Variants in TENM3 observed in about 807,000 individuals in gnomAD.
TENM3 encodes the protein teneurin transmembrane protein 3.
A neutral mutation model predicts 255.1 loss-of-function variants in TENM3; 63 were observed. The ratio of observed to expected loss-of-function variants is 0.25; its 90% CI spans 0.20 to 0.30. The LOEUF (loss-of-function observed/expected upper bound fraction) is 0.30, where lower values mean the gene tolerates loss of function less well. Ranked by LOEUF, TENM3 falls within the 10% of genes least tolerant of loss-of-function variation. TENM3 has a pLI of 1.00. For synonymous variants in TENM3, 1,306 were observed against 1,322.3 expected, an observed-to-expected ratio of 0.99 and a Z score of 0.27; for missense variants, 2,929 against 3,461.1, an observed-to-expected ratio of 0.85 and a Z score of 3.86.
chr4:182,209,135 T>C (rs1411540828), intron 1 of TENM3, among the ~76,000 whole-genome samples: 1 of 152,080 alleles, frequency 6.6e-6, no homozygotes, highest in African/African-American at 2.4e-5. Context: ...GCCCGGCCAA[T>C]TTTTGTATTT....
chr4:182,780,372 G>A (rs1765071212), intron 24 of TENM3, among the ~76,000 whole-genome samples: 1 of 118,780 alleles, frequency 8.4e-6, no homozygotes, highest in Non-Finnish European at 1.7e-5. Context: ...TTGTAGATAT[G>A]CGGCGTTATT....
intron 1 of TENM3, among the ~76,000 whole-genome samples, chr4:182,311,650 G>A (rs937914723): frequency 6.6e-6 from 1 of 152,160 alleles, no homozygotes; most frequent in Admixed American, 6.5e-5. Flanking sequence ...TTGTTGTGAG[G>A]ATTAAGTGAG....
At chr4:181,525,135 G>C in the TENM3 span, among the ~76,000 whole-genome samples, 4 of 152,142 alleles carry the variant, frequency 2.6e-5, no homozygotes, top group Non-Finnish European at 4.4e-5. Context: ...GGCCAGCCAC[G>C]GTAGGTGGCT....
At chr4:182,100,840 CTCATAT>C in the TENM3 span, among the ~76,000 whole-genome samples, 3 of 6,808 alleles carry the variant, frequency 4.4e-4, no homozygotes, top group South Asian at 5.0e-3. Flanking sequence ...TATATATATA[CTCATAT>C]ATATATATAT....
chr4:182,008,031 A>G, the TENM3 span, among the ~76,000 whole-genome samples: 1 of 152,138 alleles, frequency 6.6e-6, no homozygotes, highest in Non-Finnish European at 1.5e-5. Context: ...TCTTTTCTTT[A>G]AGAATGTTGA....
the TENM3 span, among the ~76,000 whole-genome samples, chr4:181,711,564 A>T: frequency 6.6e-6 from 1 of 152,258 alleles, no homozygotes; most frequent in East Asian, 1.9e-4. Context: ...GTTATAAAAT[A>T]AAAATTCAAC....
At chr4:182,175,438 C>T (rs559372867) in intron 1 of TENM3, among the ~76,000 whole-genome samples, 4 of 151,630 alleles carry the variant, frequency 2.6e-5, no homozygotes, top group South Asian at 2.1e-4. Flanking sequence ...TTATCCACTG[C>T]GTAATTCTAA....
the TENM3 span, among the ~76,000 whole-genome samples, chr4:181,948,557 A>G: frequency 2.0e-4 from 30 of 152,214 alleles, no homozygotes; most frequent in African/African-American, 6.3e-4. Context: ...CTGGGATTAC[A>G]GGTGCACGCC....
At chr4:182,598,348 A>G (rs891203597) in intron 3 of TENM3, among the ~76,000 whole-genome samples, 3 of 152,210 alleles carry the variant, frequency 2.0e-5, no homozygotes, top group African/African-American at 7.2e-5. Flanking sequence ...AAGAGGTTCC[A>G]GTAAACAGCA....
chr4:182,406,033 TG>T (rs1354923113), intron 3 of TENM3, among the ~76,000 whole-genome samples: 9 of 152,168 alleles, frequency 5.9e-5, no homozygotes, highest in Non-Finnish European at 8.8e-5. Context: ...ACACTGGGCA[TG>T]GTGGTTCACG....
chr4:181,768,289 T>C, the TENM3 span, among the ~76,000 whole-genome samples: 150 of 152,288 alleles, frequency 9.8e-4, 1 homozygote, highest in African/African-American at 3.4e-3. Context: ...CTACTGATTC[T>C]AGTGAGTAGG....
chr4:181,736,611 T>C, the TENM3 span, among the ~76,000 whole-genome samples: 1 of 151,906 alleles, frequency 6.6e-6, no homozygotes, highest in Non-Finnish European at 1.5e-5. Context: ...ATCTGTTTGT[T>C]TTCCAGGGCC....
At chr4:182,615,078 T>TC in intron 4 of TENM3, among the ~76,000 whole-genome samples, 1 of 145,240 alleles carries the variant, frequency 6.9e-6, no homozygotes, top group Admixed American at 7.0e-5. Context: ...TATTTTTTTT[T>TC]TCTTCTCCAA....
At chr4:182,046,691 C>T in the TENM3 span, among the ~76,000 whole-genome samples, 1 of 152,188 alleles carries the variant, frequency 6.6e-6, no homozygotes, top group East Asian at 1.9e-4. Context: ...GATCCTGCCA[C>T]TGTACTCTAG....
At chr4:181,684,817 C>A in the TENM3 span, among the ~76,000 whole-genome samples, 8 of 151,808 alleles carry the variant, frequency 5.3e-5, no homozygotes, top group Admixed American at 2.0e-4. Flanking sequence ...TGCAGTGGTG[C>A]CATCATAGCT....
At chr4:182,711,318 A>T (rs916533789) in intron 12 of TENM3, among the ~76,000 whole-genome samples, 1 of 152,188 alleles carries the variant, frequency 6.6e-6, no homozygotes, top group South Asian at 2.1e-4. Context: ...AGTGGAGTGC[A>T]TTCCAAATAA....
chr4:181,799,967 A>G, the TENM3 span, among the ~76,000 whole-genome samples: 3 of 152,172 alleles, frequency 2.0e-5, no homozygotes, highest in Admixed American at 2.0e-4. Context: ...GGCGAACTGG[A>G]AAGCGGTTGC....
chr4:182,438,316 A>G (rs903026054), intron 3 of TENM3, among the ~76,000 whole-genome samples: 1 of 152,194 alleles, frequency 6.6e-6, no homozygotes, highest in African/African-American at 2.4e-5. Flanking sequence ...TGCAGTGACC[A>G]TTATTTAAGT....
chr4:182,779,213 C>T (rs1417954895), intron 24 of TENM3, among the ~76,000 whole-genome samples: 1 of 151,728 alleles, frequency 6.6e-6, no homozygotes, highest in Non-Finnish European at 1.5e-5. Flanking sequence ...CCCGCTCCCC[C>T]CACCCCACAA....
Sources: allele counts gnomAD v4.1 joint callset (sites outside exome capture counted in the v4.1 genomes callset), GRCh38; gene constraint gnomAD v4.1.1; transcripts MANE v1.5; gene names NCBI Gene and HGNC (gene_info 2026-07-23, HGNC 2026-07-21).